Variants in TOMM7 observed in about 807,000 individuals in gnomAD.
The protein encoded by TOMM7 is translocase of outer mitochondrial membrane 7, also known as mitochondrial import receptor subunit TOM7 homolog.
TOMM7 carries 8 observed loss-of-function variants against 9.5 expected under a neutral mutation model. The observed-to-expected ratio is 0.84, with a 90% CI of 0.49 to 1.51. The LOEUF is 1.51. TOMM7 is among the 40% of genes most tolerant of loss of function. The pLI is 0.00. For synonymous variants in TOMM7, 27 were observed against 21.4 expected, an observed-to-expected ratio of 1.26 and a Z score of -0.72; for missense variants, 74 against 63.7, an observed-to-expected ratio of 1.16 and a Z score of -0.55.
chr7:22,820,931 C>CT (rs1331964265), intron 1 of TOMM7, among the ~76,000 whole-genome samples: 3 of 151,494 alleles, frequency 2.0e-5, no homozygotes, highest in Admixed American at 1.3e-4. Flanking sequence ...TCAGAGTGTA[C>CT]TTTATCTTAT....
At chr7:22,814,553 G>C (rs936558217) in intron 2 of TOMM7, among the ~76,000 whole-genome samples, 3 of 152,010 alleles carry the variant, frequency 2.0e-5, no homozygotes, top group Non-Finnish European at 4.4e-5. Context: ...CAATGGTAAT[G>C]GGCAGCAAAA....
chr7:22,815,673 G>A (rs1782308267), intron 2 of TOMM7, among the ~76,000 whole-genome samples: 1 of 152,138 alleles, frequency 6.6e-6, no homozygotes, highest in African/African-American at 2.4e-5. Flanking sequence ...ACAAGGCAGA[G>A]AATGACAGAT....
At position 22,813,100 on chromosome 7, in the gene TOMM7, T is replaced by G. The variant is rs1221106523; in HGVS notation, c.*70A>C. ...TGACTGAATGATGTCCCATCTCTTA[T>G]CCGAGCCAGAGCACACATCTTCCAT... On this transcript the variant is annotated 3_prime_UTR_variant, in exon 3 of 3. Transcript: ENST00000358435. 1 of 1,544,386 alleles carries G rather than the reference T, an allele frequency of 6.5e-7. No individual in the cohort carries two copies. The highest frequency in any genetic ancestry group is 9.0e-7 in the Non-Finnish European group (1 of 1,117,040).
chr7:22,816,092 T>TA (rs1176050847), intron 2 of TOMM7, among the ~76,000 whole-genome samples: 3 of 152,168 alleles, frequency 2.0e-5, no homozygotes, highest in African/African-American at 7.2e-5. Flanking sequence ...GAAATGGGGA[T>TA]AAAAAAGATG....
At chr7:22,822,136 C>T (rs1171196885) in intron 1 of TOMM7, 1 of 1,549,714 alleles carries the variant, frequency 6.5e-7, no homozygotes, top group Non-Finnish European at 8.7e-7. Flanking sequence ...AAAAGTTTCT[C>T]TACGGCTGTT....
intron 1 of TOMM7, among the ~76,000 whole-genome samples, chr7:22,821,395 G>A (rs1339571587): frequency 3.4e-5 from 4 of 117,940 alleles, no homozygotes; most frequent in Admixed American, 9.4e-5. Flanking sequence ...GGGCGAGGCA[G>A]ACCCCGTCTC....
chr7:22,817,912 G>C (rs1321036199), intron 2 of TOMM7, 88 bp downstream of exon 2: 2 of 1,294,030 alleles, frequency 1.5e-6, no homozygotes, highest in South Asian at 2.5e-5. Flanking sequence ...CCATTTCAAG[G>C]CCTGCCACTA....
Position 22,813,165 on chromosome 7 carries a change from A to C in TOMM7, c.*5T>G. 6.2e-7 allele frequency: 1 copy of C among 1,613,716 alleles called. No individual in the cohort carries two copies. Among genetic ancestry groups the C allele is most frequent in the Admixed American group, 1.7e-5 (1 of 59,950 alleles). The stretch of plus-strand genomic sequence containing the variant: ...GCCTCCAAATCCAGAAGACCAAATA[A>C]TCCTTTATCCCCAAAGTAGGCTAAA... On this transcript the variant is annotated 3_prime_UTR_variant, in exon 3 of 3. Transcript: ENST00000358435.
At chr7:22,821,967 T>C (rs953589930) in intron 1 of TOMM7, among the ~76,000 whole-genome samples, 1 of 151,986 alleles carries the variant, frequency 6.6e-6, no homozygotes, top group Non-Finnish European at 1.5e-5. Context: ...GCCACTGCAC[T>C]CCAGTCTGGG....
chr7:22,818,155 G>A, intron 1 of TOMM7, 107 bp from the exon 2 acceptor site: 1 of 1,049,934 alleles, frequency 9.5e-7, no homozygotes, highest in Non-Finnish European at 1.4e-6. Context: ...AGGATAGTTA[G>A]AATGATATCT....
chr7:22,817,003 G>A (rs971629271), intron 2 of TOMM7, among the ~76,000 whole-genome samples: 2 of 152,112 alleles, frequency 1.3e-5, no homozygotes, highest in African/African-American at 4.8e-5. Context: ...AAAGTTCGAA[G>A]AAAATGAATA....
chr7:22,817,686 G>A (rs75569325), intron 2 of TOMM7: 12,640 of 235,082 alleles, frequency 0.054, 456 homozygotes, highest in South Asian at 0.086. Flanking sequence ...TTGTCAGAGC[G>A]ATATAAAAGG....
intron 2 of TOMM7, chr7:22,817,643 A>T: frequency 5.3e-6 from 1 of 187,756 alleles, no homozygotes; most frequent in South Asian, 1.1e-4. Flanking sequence ...CAGCCAACTA[A>T]AATTTTAGGT....
chr7:22,822,213 C>T (rs1031109493), intron 1 of TOMM7: 1 of 1,550,782 alleles, frequency 6.4e-7, no homozygotes, highest in Non-Finnish European at 8.7e-7. Flanking sequence ...GGTAAGAAAG[C>T]AGAGGCATCC....
intron 1 of TOMM7, among the ~76,000 whole-genome samples, chr7:22,820,310 CG>C (rs1782369683): frequency 6.6e-6 from 1 of 152,118 alleles, no homozygotes; most frequent in Non-Finnish European, 1.5e-5. Flanking sequence ...TGAAAATCAC[CG>C]TAACGGTAGT....
intron 1 of TOMM7, among the ~76,000 whole-genome samples, chr7:22,820,485 G>A (rs1403395874): frequency 1.3e-5 from 2 of 152,162 alleles, no homozygotes; most frequent in Non-Finnish European, 2.9e-5. Flanking sequence ...GGGAGGAGGA[G>A]GGAACAGTAG....
At chr7:22,818,882 G>C (rs1265616808) in intron 1 of TOMM7, among the ~76,000 whole-genome samples, 1 of 152,072 alleles carries the variant, frequency 6.6e-6, no homozygotes, top group Non-Finnish European at 1.5e-5. Flanking sequence ...AAAGTGCTGG[G>C]ATTACAGGCG....
intron 2 of TOMM7, among the ~76,000 whole-genome samples, chr7:22,814,105 TG>T (rs1304216236): frequency 1.4e-5 from 2 of 147,388 alleles, no homozygotes; most frequent in Non-Finnish European, 3.0e-5. Context: ...GAGGCTGAGG[TG>T]GGTGGATCGC....
Position 22,822,662 on chromosome 7 carries a change from T to G in TOMM7, c.103+15A>C. The G allele has an allele frequency of 6.2e-7, 1 of 1,608,278 alleles. No individual in the cohort carries two copies. Among genetic ancestry groups the G allele is most frequent in the Non-Finnish European group, 8.5e-7 (1 of 1,174,720 alleles). On this transcript the variant is annotated intron_variant, in intron 1 of 2. Transcript: ENST00000358435. ...TCTTCCCTCCAGTCACTTTCCCGGT[T>G]CTTCTCCCACTGACCCAGGTAAATC...
Sources: gnomAD v4.1 joint callset for allele counts (sites outside exome capture counted in the v4.1 genomes callset) on GRCh38, gnomAD v4.1.1 for gene constraint, MANE v1.5 for transcripts, NCBI Gene and HGNC (gene_info 2026-07-23, HGNC 2026-07-21) for gene names.